Variants in FGF12 observed in about 807,000 individuals in gnomAD.
The protein encoded by FGF12 is fibroblast growth factor 12.
Under a neutral mutation model 23.6 loss-of-function variants are expected in FGF12, and 14 were observed. The ratio of observed to expected loss-of-function variants is 0.59; its 90% CI spans 0.39 to 0.93. The LOEUF is 0.93. Among genes scored for constraint, FGF12 ranks in the 40% least tolerant of loss-of-function variants. The pLI is 0.00. For missense variants in FGF12, 175 were observed against 217.8 expected (o/e 0.80, Z 1.24); for synonymous variants, 62 against 77.3 (o/e 0.80, Z 1.04).
At chr3:192,461,506 T>C (rs1722859948) in intron 2 of FGF12, among the ~76,000 whole-genome samples, 1 of 152,214 alleles carries the variant, frequency 6.6e-6, no homozygotes, top group African/African-American at 2.4e-5. Flanking sequence ...AATTATAAAC[T>C]AGTATCTATC....
At chr3:192,454,266 C>T (rs1202791623) in intron 2 of FGF12, among the ~76,000 whole-genome samples, 1 of 152,096 alleles carries the variant, frequency 6.6e-6, no homozygotes, top group Non-Finnish European at 1.5e-5. Flanking sequence ...TCTCAATCTC[C>T]TGACCTCGTG....
chr3:192,360,581 C>A lies in FGF12; in HGVS notation c.14-43G>T. 2 of 1,288,644 alleles carry A rather than the reference C, an allele frequency of 1.6e-6. No homozygotes were observed. Among genetic ancestry groups the A allele is most frequent in the Non-Finnish European group, 2.3e-6 (2 of 883,506 alleles). The allele number at this position is 1,288,644 out of a possible 1,614,324, so 79.8% of individuals were successfully genotyped here. A position where few individuals can be genotyped will look rare whatever the true frequency, so the allele number is the denominator to read the frequency against. On this transcript the variant is annotated intron_variant, in intron 2 of 5. Transcript: ENST00000445105. The surrounding 1 kb of genome is among the most constrained non-coding windows in gnomAD (Gnocchi z 4.3). ...TATTCAAATTTTTATTTGGCTTACA[C>A]AAATGCACACTTACAGATTGTTAAA... is the stretch of plus-strand genomic sequence containing the variant.
chr3:192,337,531 G>A (rs535603808), intron 3 of FGF12, among the ~76,000 whole-genome samples: 100 of 152,118 alleles, frequency 6.6e-4, no homozygotes, highest in Non-Finnish European at 1.1e-3. Flanking sequence ...TACCAAATAG[G>A]CAACAAGACG....
intron 4 of FGF12, among the ~76,000 whole-genome samples, chr3:192,223,221 T>G (rs1486661184): frequency 6.6e-6 from 1 of 152,112 alleles, no homozygotes; most frequent in Non-Finnish European, 1.5e-5. Context: ...TGACTACACT[T>G]AAAAACAACA....
chr3:192,536,438 C>T (rs1243012075), intron 2 of FGF12, among the ~76,000 whole-genome samples: 1 of 152,054 alleles, frequency 6.6e-6, no homozygotes, highest in Non-Finnish European at 1.5e-5. Context: ...TCCAAAGTCA[C>T]AATACATGGT....
At chr3:192,316,788 C>T (rs537589878) in intron 4 of FGF12, among the ~76,000 whole-genome samples, 1 of 152,256 alleles carries the variant, frequency 6.6e-6, no homozygotes, top group Non-Finnish European at 1.5e-5. Context: ...GCTTGCATCA[C>T]CCCTCCCCCA....
At chr3:192,327,956 T>A (rs1405078011) in intron 4 of FGF12, among the ~76,000 whole-genome samples, 1 of 152,230 alleles carries the variant, frequency 6.6e-6, no homozygotes, top group Admixed American at 6.5e-5. Flanking sequence ...GATGCGAATG[T>A]CAAGGCTCCT....
chr3:192,299,088 T>G (rs961823681), intron 4 of FGF12, among the ~76,000 whole-genome samples: 2 of 152,158 alleles, frequency 1.3e-5, no homozygotes, highest in Non-Finnish European at 2.9e-5. Context: ...ACACCTGATT[T>G]GAAGGGGACA....
At chr3:192,172,974 A>G (rs943169036) in intron 4 of FGF12, among the ~76,000 whole-genome samples, 17 of 151,212 alleles carry the variant, frequency 1.1e-4, no homozygotes, top group African/African-American at 4.1e-4. Flanking sequence ...AGAATGAAAT[A>G]CTGATTTATG....
At chr3:192,619,615 G>A (rs1243855305) in intron 2 of FGF12, among the ~76,000 whole-genome samples, 1 of 152,092 alleles carries the variant, frequency 6.6e-6, no homozygotes, top group Admixed American at 6.6e-5. Flanking sequence ...TCTTGCTCAG[G>A]TATGAGATTT....
chr3:192,644,807 C>A (rs1008549455), intron 2 of FGF12, among the ~76,000 whole-genome samples: 4 of 152,168 alleles, frequency 2.6e-5, no homozygotes, highest in Admixed American at 6.5e-5. Context: ...TGTTACAGAT[C>A]GCTATCATGA....
rs554065794 is a variant in FGF12 at position 192,685,580 on chromosome 3, A to C, written c.13+41601T>G. Reference sequence around the variant, plus strand: ...AGTTTCTTAGGTATCGTGAGAGAGTAGTGGGGGCACATCAGACAAGGGGAA... The same window carrying C: ...AGTTTCTTAGGTATCGTGAGAGAGTCGTGGGGGCACATCAGACAAGGGGAA... On this transcript the variant is annotated intron_variant, in intron 2 of 5. Coordinates refer to ENST00000445105, the MANE Select transcript of FGF12 (RefSeq NM_004113.6). Among the ~76,000 whole-genome samples the C allele has an allele frequency of 3.9e-5, 6 of 152,258 alleles. No individual in the cohort carries two copies. The South Asian group carries it at 1.2e-3, about 32-fold the overall frequency.
chr3:192,726,469 T>C (rs1290107932), intron 2 of FGF12, among the ~76,000 whole-genome samples: 1 of 152,232 alleles, frequency 6.6e-6, no homozygotes, highest in Non-Finnish European at 1.5e-5. Context: ...GTGTGTTCAA[T>C]ATGCCATTCA....
chr3:192,170,182 C>T lies in FGF12; in HGVS notation c.427+276G>A, dbSNP rs1715469364. Among the ~76,000 whole-genome samples, 6 of 138,142 alleles carry T rather than the reference C, an allele frequency of 4.3e-5. No homozygotes were observed. In the South Asian group the frequency reaches 9.4e-4, roughly 22 times the overall value. The allele number at this position is 138,142 out of a possible 152,430, so 90.6% of individuals were successfully genotyped here. ...AAAAGATTCCCAGCTACTACGGAGG[C>T]TGAGGCAGGAGAATTGCTCGAATCC... On this transcript the variant is annotated intron_variant, in intron 5 of 5. Transcript: ENST00000445105.
At chr3:192,502,309 C>T (rs910479083) in intron 2 of FGF12, among the ~76,000 whole-genome samples, 1 of 152,174 alleles carries the variant, frequency 6.6e-6, no homozygotes, top group Non-Finnish European at 1.5e-5. Context: ...TTTAAGCAGA[C>T]TTAAAAATTT....
intron 4 of FGF12, among the ~76,000 whole-genome samples, chr3:192,223,258 C>A (rs1718563424): frequency 6.6e-6 from 1 of 152,068 alleles, no homozygotes; most frequent in Admixed American, 6.6e-5. Flanking sequence ...AAGCAGAATA[C>A]CATTTTAGAA....
At chr3:192,193,109 G>C (rs74329582) in intron 4 of FGF12, among the ~76,000 whole-genome samples, 3,311 of 152,148 alleles carry the variant, frequency 0.022, 139 homozygotes, top group African/African-American at 0.076. Flanking sequence ...ACTTCTTTCA[G>C]AGACCAAAAA....
chr3:192,352,638 C>T (rs183557974), intron 3 of FGF12, among the ~76,000 whole-genome samples: 107 of 152,186 alleles, frequency 7.0e-4, no homozygotes, highest in African/African-American at 2.5e-3. Context: ...GTCTCTCATC[C>T]CTGTTGATGA....
intron 2 of FGF12, among the ~76,000 whole-genome samples, chr3:192,446,748 G>A (rs183284234): frequency 2.6e-5 from 4 of 152,040 alleles, no homozygotes; most frequent in South Asian, 4.2e-4. Context: ...CTCACAACTC[G>A]CATCCAAGGC....
Sources: gnomAD v4.1 joint callset for allele counts (sites outside exome capture counted in the v4.1 genomes callset) on GRCh38, gnomAD v4.1.1 for gene constraint, Gnocchi (gnomAD v3.1) non-coding constraint, MANE v1.5 for transcripts, NCBI Gene and HGNC (gene_info 2026-07-23, HGNC 2026-07-21) for gene names.